The following MRC2 variants were observed in gnomAD, a reference collection of about 807,000 sequenced individuals.
MRC2 encodes the protein mannose receptor C-type 2.
MRC2 carries 84 observed loss-of-function variants against 206.2 expected under a neutral mutation model. That is an observed-to-expected ratio of 0.41 (90% CI 0.34 to 0.49). The LOEUF (loss-of-function observed/expected upper bound fraction) is 0.49. Ranked by LOEUF, MRC2 falls within the 20% of genes least tolerant of loss-of-function variation. The pLI is 0.31. For missense variants in MRC2, 1,676 were observed against 2,001.5 expected (o/e 0.84, Z 3.10); for synonymous variants, 798 against 800.0 (o/e 1.00, Z 0.04).
Position 62,671,594 on chromosome 17 carries a change from G to T in MRC2, c.1118-55G>T. The T allele has an allele frequency of 6.7e-7, 1 of 1,490,578 alleles. No individual in the cohort carries two copies. Among genetic ancestry groups the T allele is most frequent in the South Asian group, 1.4e-5 (1 of 71,500 alleles). 92.3% of individuals were successfully genotyped at this position (1,490,578 alleles called of 1,614,324 possible). A position where few individuals can be genotyped will look rare whatever the true frequency, so the allele number is the denominator to read the frequency against. ...TGTGTTGACGTCAACCCAGTGGGTT[G>T]GTTCCCAGACTGGGCGGCTCAGTCC... On this transcript the variant is annotated intron_variant, in intron 6 of 29. Coordinates refer to ENST00000303375, the MANE Select transcript of MRC2 (RefSeq NM_006039.5). The surrounding 1 kb of genome is among the most constrained non-coding windows in gnomAD (Gnocchi z 4.5).
chr17:62,639,265 AC>A (rs1405237049), intron 1 of MRC2, among the ~76,000 whole-genome samples: 1 of 151,954 alleles, frequency 6.6e-6, no homozygotes, highest in African/African-American at 2.4e-5. Context: ...AATCACTTGA[AC>A]CCAGGAGGCA....
At position 62,680,595 on chromosome 17, in the gene MRC2, G is replaced by A; in HGVS notation, c.2473+142G>A. 1 of 1,334,750 alleles carries A rather than the reference G, an allele frequency of 7.5e-7. No homozygotes were observed. The highest frequency in any genetic ancestry group is 2.4e-5 in the East Asian group (1 of 41,772). 82.7% of individuals were successfully genotyped at this position (1,334,750 alleles called of 1,614,324 possible). A position where few individuals can be genotyped will look rare whatever the true frequency, so the allele number is the denominator to read the frequency against. On this transcript the variant is annotated intron_variant, in intron 16 of 29. Coordinates refer to ENST00000303375, the MANE Select transcript of MRC2 (RefSeq NM_006039.5). This position sits in a 1 kb window ranked among gnomAD's most constrained non-coding sequence, Gnocchi z 4.8. Reference sequence around the variant, plus strand: ...GGGGGACGGGGTTGGCTCGGACGGAGGCAGCCACAGCCCTGTTTGCTTCCG... The same window carrying A: ...GGGGGACGGGGTTGGCTCGGACGGAAGCAGCCACAGCCCTGTTTGCTTCCG...
At position 62,680,734 on chromosome 17, in the gene MRC2, C is replaced by T; in HGVS notation, c.2474-66C>T. 4.2e-6 allele frequency: 6 copies of T among 1,418,766 alleles called. No individual in the cohort carries two copies. The highest frequency in any genetic ancestry group is 5.5e-6 in the Non-Finnish European group (6 of 1,091,056). 87.9% of individuals were successfully genotyped at this position (1,418,766 alleles called of 1,614,324 possible). ...GGCTCTGCCCCGGCCCTGCCGCGCC[C>T]GCCTCCGGGGCCTGGCGTGCAGCCT... On this transcript the variant is annotated intron_variant, in intron 16 of 29. Coordinates refer to ENST00000303375, the MANE Select transcript of MRC2 (RefSeq NM_006039.5). The surrounding 1 kb of genome is among the most constrained non-coding windows in gnomAD (Gnocchi z 4.8).
intron 1 of MRC2, among the ~76,000 whole-genome samples, chr17:62,647,306 C>G (rs2088502505): frequency 6.6e-6 from 1 of 151,064 alleles, no homozygotes; most frequent in South Asian, 2.1e-4. Context: ...GCCTCAGCCT[C>G]CTGAGTAGCT....
At chr17:62,689,276 G>A (rs2089071031) in intron 23 of MRC2, 1 of 580,874 alleles carries the variant, frequency 1.7e-6, no homozygotes, top group Non-Finnish European at 3.0e-6. Flanking sequence ...TCCATGCGTA[G>A]GTGGCCTCTG....
At chr17:62,657,743 G>T (rs2460302) in intron 1 of MRC2, among the ~76,000 whole-genome samples, 1 of 151,924 alleles carries the variant, frequency 6.6e-6, no homozygotes, top group Non-Finnish European at 1.5e-5. Flanking sequence ...ATGAAGCACG[G>T]GTACAAAGAA....
In MRC2 at chr17:62,666,853, A is replaced by T. The variant is rs1000546560; in HGVS notation, c.956A>T (p.Tyr319Phe). The change falls in exon 5 of 30, where the codon TAC becomes TTC. Residue 319 changes from tyrosine to phenylalanine, a missense_variant. By Grantham distance (22) the Tyr-to-Phe change is conservative (BLOSUM62 3). Coordinates refer to ENST00000303375, the MANE Select transcript of MRC2 (RefSeq NM_006039.5). The surrounding 1 kb of genome is among the most constrained non-coding windows in gnomAD (Gnocchi z 5.0). ...WQWSDNSPLKYLNWESDQPDN... is the reference protein window; with the variant it reads ...WQWSDNSPLKFLNWESDQPDN... ...TGGTCGGACAACTCGCCCCTCAAGT[A>T]CCTCAACTGGGAGAGTGGTGAGGCA... is the stretch of plus-strand genomic sequence containing the variant. The T allele has an allele frequency of 5.2e-5, 84 of 1,613,420 alleles. No individual in the cohort carries two copies. The highest frequency in any genetic ancestry group is 6.8e-5 in the Non-Finnish European group (80 of 1,179,844).
chr17:62,692,424 C>T lies in MRC2; in HGVS notation c.4413C>T (p.Asp1471=), dbSNP rs551428353. The stretch of plus-strand genomic sequence containing the variant: ...CTGAGAAGAACATCCTGGTGTCAGA[C>T]ATGGAAATGAATGAGCAACAAGAAT... ...EATEKNILVS[D]MEMNEQQE Residue 1471 remains aspartate, a synonymous_variant, in exon 30 of 30, where the codon GAC becomes GAT. Coordinates refer to ENST00000303375, the MANE Select transcript of MRC2 (RefSeq NM_006039.5). This position sits in a 1 kb window ranked among gnomAD's most constrained non-coding sequence, Gnocchi z 4.2. 1.3e-6 allele frequency: 2 copies of T among 1,568,840 alleles called. No individual in the cohort carries two copies. The highest frequency in any genetic ancestry group is 1.9e-5 in the Admixed American group (1 of 52,574).
At chr17:62,689,064 G>T in intron 23 of MRC2, 104 bp downstream of exon 23, 1 of 912,948 alleles carries the variant, frequency 1.1e-6, no homozygotes, top group Non-Finnish European at 1.7e-6. Context: ...GGCAGAGCAG[G>T]GCTCTGCTTG....
rs201553090 is a variant in MRC2, at chr17:62,671,732, C to T, written c.1201C>T (p.Arg401Cys). The change falls in exon 7 of 30, where the codon CGC (arginine) becomes TGC (cysteine). Residue 401 changes from arginine to cysteine, a missense_variant. Physicochemically the swap from Arg to Cys is radical, Grantham distance 180. Coordinates refer to ENST00000303375, the MANE Select transcript of MRC2 (RefSeq NM_006039.5). The surrounding 1 kb of genome is among the most constrained non-coding windows in gnomAD (Gnocchi z 4.5). ...CTGCTACCGCCTGCAGGCCGAGAAG[C>T]GCAGCTGGCAGGAGTCCAAGAAGGC... ...GHCYRLQAEK[R>C]SWQESKKACL... 8.4e-5 allele frequency: 136 copies of T among 1,613,154 alleles called. No homozygotes were observed. Among genetic ancestry groups the T allele is most frequent in the Admixed American group, 1.2e-4 (7 of 59,968 alleles).
In MRC2 at chr17:62,666,713, C is replaced by T; in HGVS notation, c.860-44C>T. The T allele has an allele frequency of 8.6e-7, 1 of 1,159,356 alleles. No individual in the cohort carries two copies. Among genetic ancestry groups the T allele is most frequent in the Non-Finnish European group, 1.2e-6 (1 of 818,036 alleles). The allele number at this position is 1,159,356 out of a possible 1,614,324, so 71.8% of individuals were successfully genotyped here. Reference sequence around the variant, plus strand: ...AGAGGGCGATGGGGAGCGGGGGAGGCTGGGGCTGGGGATCCCCTGTTCAGT... The same window carrying T: ...AGAGGGCGATGGGGAGCGGGGGAGGTTGGGGCTGGGGATCCCCTGTTCAGT... On this transcript the variant is annotated intron_variant, in intron 4 of 29. Coordinates refer to ENST00000303375, the MANE Select transcript of MRC2 (RefSeq NM_006039.5). This position sits in a 1 kb window ranked among gnomAD's most constrained non-coding sequence, Gnocchi z 5.0.
At chr17:62,676,619 C>G in intron 11 of MRC2, 88 bp downstream of exon 11, 1 of 1,474,136 alleles carries the variant, frequency 6.8e-7, no homozygotes, top group Non-Finnish European at 9.1e-7. Flanking sequence ...CAGGGCTTCC[C>G]CATAAACAGA....
Position 62,689,605 on chromosome 17 carries a change from C to T in MRC2, c.3418C>T (p.Leu1140Phe). 1 of 1,604,150 alleles carries T rather than the reference C, an allele frequency of 6.2e-7. No individual in the cohort carries two copies. The highest frequency in any genetic ancestry group is 8.5e-7 in the Non-Finnish European group (1 of 1,175,864). The change falls in exon 24 of 30, where the codon CTT becomes TTT. Residue 1140 changes from leucine to phenylalanine, a missense_variant. By Grantham distance (22) the Leu-to-Phe change is conservative (BLOSUM62 0). Coordinates refer to ENST00000303375, the MANE Select transcript of MRC2 (RefSeq NM_006039.5). ...LSYLNGTFRL[L>F]QKPLRWHDAL... ...CTACCTCAACGGCACCTTCCGGCTG[C>T]TTCAGAAGCCGCTGCGCTGGCACGA... is the stretch of plus-strand genomic sequence containing the variant.
intron 1 of MRC2, among the ~76,000 whole-genome samples, chr17:62,640,470 T>C (rs892278551): frequency 6.6e-5 from 10 of 152,150 alleles, no homozygotes; most frequent in African/African-American, 2.4e-4. Context: ...CAATATAGAG[T>C]GCCACAAATA....
intron 1 of MRC2, among the ~76,000 whole-genome samples, chr17:62,653,543 C>G (rs1047533930): frequency 1.3e-5 from 2 of 152,176 alleles, no homozygotes; most frequent in African/African-American, 4.8e-5. Context: ...ATATCACAGT[C>G]TGCAGCACAG....
At position 62,682,296 on chromosome 17, in the gene MRC2, C is replaced by CA. The variant is rs1177201349; in HGVS notation, c.2866dup (p.Thr956AsnfsTer20). 1.2e-6 allele frequency: 2 copies of CA among 1,605,964 alleles called. No homozygotes were observed. The highest frequency in any genetic ancestry group is 1.7e-5 in the Admixed American group (1 of 59,088). ...CCTACATCTGCAAGCGCAGCAACGT[C>CA]ACCAAAGAAACGCAGCCCCCAGACC... On this transcript the variant is annotated frameshift_variant, in exon 20 of 30. Transcript: ENST00000303375. LOFTEE classifies it high-confidence loss of function.
intron 1 of MRC2, among the ~76,000 whole-genome samples, chr17:62,638,914 G>C (rs535371465): frequency 2.0e-5 from 3 of 152,232 alleles, no homozygotes; most frequent in African/African-American, 7.2e-5. Flanking sequence ...GCGAGACTCT[G>C]TCTCAAAAGC....
intron 1 of MRC2, among the ~76,000 whole-genome samples, chr17:62,651,305 A>G (rs1598974070): frequency 6.6e-6 from 1 of 152,126 alleles, no homozygotes; most frequent in African/African-American, 2.4e-5. Flanking sequence ...AATGGTCTCT[A>G]TCTCTTGACC....
At chr17:62,643,327 C>CAAAAAAAAAA (rs59698063) in intron 1 of MRC2, among the ~76,000 whole-genome samples, 6 of 44,116 alleles carry the variant, frequency 1.4e-4, no homozygotes, top group South Asian at 1.0e-3. Context: ...GAAACTCCGT[C>CAAAAAAAAAA]AAAAAAAAAA....
Sources: gnomAD v4.1 joint callset for allele counts (sites outside exome capture counted in the v4.1 genomes callset) on GRCh38, gnomAD v4.1.1 for gene constraint, Gnocchi (gnomAD v3.1) non-coding constraint, MANE v1.5 for transcripts, NCBI Gene and HGNC (gene_info 2026-07-23, HGNC 2026-07-21) for gene names.